Variants in PTPRG observed in about 807,000 individuals in gnomAD.
PTPRG encodes protein tyrosine phosphatase receptor type G.
Under a neutral mutation model 165.3 loss-of-function variants are expected in PTPRG, and 102 were observed. The observed-to-expected ratio is 0.62, with a 90% CI of 0.53 to 0.73. The LOEUF (loss-of-function observed/expected upper bound fraction) is 0.73, where lower values mean the gene tolerates loss of function less well. PTPRG is among the 30% of genes least tolerant of loss of function. PTPRG has a pLI of 0.00. For missense variants in PTPRG, 1,866 were observed against 1,861.4 expected (o/e 1.00, Z -0.05); for synonymous variants, 675 against 669.5 (o/e 1.01, Z -0.13).
intron 1 of PTPRG, chr3:61,739,260 G>T (rs2032891575): frequency 6.6e-6 from 1 of 152,034 alleles, no homozygotes; most frequent in Non-Finnish European, 1.5e-5. Flanking sequence ...ACCAAAGTTT[G>T]TGTAGTTGTA....
At chr3:62,104,766 G>A (rs534549690) in intron 5 of PTPRG, among the ~76,000 whole-genome samples, 1 of 152,236 alleles carries the variant, frequency 6.6e-6, no homozygotes, top group African/African-American at 2.4e-5. Flanking sequence ...CTACTAGCGG[G>A]AACAAAAGCT....
intron 2 of PTPRG, among the ~76,000 whole-genome samples, chr3:61,761,839 T>C (rs1357304420): frequency 6.6e-6 from 1 of 152,204 alleles, no homozygotes; most frequent in Admixed American, 6.5e-5. Flanking sequence ...AAAGGCATCA[T>C]TTAGTAGCTC....
At chr3:61,939,965 G>C (rs1400484497) in intron 2 of PTPRG, among the ~76,000 whole-genome samples, 12 of 30,852 alleles carry the variant, frequency 3.9e-4, no homozygotes, top group African/African-American at 1.5e-3. Flanking sequence ...TTTTTTTTTT[G>C]AGACAGTCTT....
At chr3:62,003,261 A>G in intron 3 of PTPRG, 88 bp from the exon 4 acceptor site, 1 of 1,423,140 alleles carries the variant, frequency 7.0e-7, no homozygotes. Flanking sequence ...TATCATGGTA[A>G]TGGTGAACTT....
chr3:61,712,351 G>T (rs989748150), intron 1 of PTPRG, among the ~76,000 whole-genome samples: 1 of 151,316 alleles, frequency 6.6e-6, no homozygotes, highest in African/African-American at 2.4e-5. Context: ...TTTAAAGAGA[G>T]AACACTGGAG....
rs111905214 is a variant in PTPRG at position 61,777,006 on chromosome 3, T to G, written c.190+28024T>G. ...AAATTTGTGGGGGTCGAGGTTCAAG[T>G]CTCATTCCTCTTTGAATCTTTCCTG... On this transcript the variant is annotated intron_variant, in intron 2 of 29. Coordinates refer to ENST00000474889, the MANE Select transcript of PTPRG (RefSeq NM_002841.4). Among the ~76,000 whole-genome samples, 581 of 152,322 alleles carry G rather than the reference T, an allele frequency of 3.8e-3. 3 individuals carry two copies. The highest frequency in any genetic ancestry group is 5.5e-3 in the Non-Finnish European group (374 of 68,038).
intron 5 of PTPRG, among the ~76,000 whole-genome samples, chr3:62,104,129 C>T (rs1475164022): frequency 1.3e-5 from 2 of 152,192 alleles, no homozygotes; most frequent in Non-Finnish European, 2.9e-5. Context: ...CCTGCCAAAA[C>T]GCAAGATGCA....
rs1023727147 is a variant in PTPRG, at chr3:62,195,664, A to C, written c.1327+494A>C. Among the ~76,000 whole-genome samples the C allele has an allele frequency of 6.6e-6, 1 of 152,220 alleles. No homozygotes were observed. The highest frequency in any genetic ancestry group is 1.5e-5 in the Non-Finnish European group (1 of 68,040). On this transcript the variant is annotated intron_variant, in intron 10 of 29. Transcript: ENST00000474889. This position sits in a 1 kb window ranked among gnomAD's most constrained non-coding sequence, Gnocchi z 4.4. ...TCTAGATAGATGGTCCTGATGACTT[A>C]GGGACTAATAGAAAGGTCCAGGGCC...
At chr3:61,750,866 C>T (rs1325946878) in intron 2 of PTPRG, 1 of 152,122 alleles carries the variant, frequency 6.6e-6, no homozygotes, top group Non-Finnish European at 1.5e-5. Context: ...AAACAGGTGG[C>T]TGGTTGGATA....
intron 5 of PTPRG, among the ~76,000 whole-genome samples, chr3:62,123,085 T>A (rs1307286295): frequency 6.6e-6 from 1 of 152,224 alleles, no homozygotes; most frequent in East Asian, 1.9e-4. Context: ...CACACATTTA[T>A]CATCTCAGTT....
intron 2 of PTPRG, among the ~76,000 whole-genome samples, chr3:61,853,826 G>T (rs2037031470): frequency 6.6e-6 from 1 of 152,168 alleles, no homozygotes; most frequent in African/African-American, 2.4e-5. Flanking sequence ...GTGTTCTGGG[G>T]TGAGCTGTTT....
Position 62,233,390 on chromosome 3 carries a change from C to T in PTPRG, c.2375+2079C>T, listed in dbSNP as rs1700950929. On this transcript the variant is annotated intron_variant, in intron 14 of 29. Transcript: ENST00000474889. This position sits in a 1 kb window ranked among gnomAD's most constrained non-coding sequence, Gnocchi z 4.7. ...CTCTCCCCAGGCACTTTTGCTGCCT[C>T]CTTTCCTGACCCATGTCCATCCTGC... 6.6e-6 allele frequency among the ~76,000 whole-genome samples: 1 copy of T among 152,176 alleles called. No individual in the cohort carries two copies. The highest frequency in any genetic ancestry group is 2.1e-4 in the South Asian group (1 of 4,830).
intron 5 of PTPRG, among the ~76,000 whole-genome samples, chr3:62,131,704 A>C (rs1576041636): frequency 1.3e-5 from 2 of 152,182 alleles, no homozygotes; most frequent in Non-Finnish European, 2.9e-5. Flanking sequence ...ACATAAAAGT[A>C]AAGAAAATTG....
In PTPRG at chr3:61,783,392, A is replaced by G. The variant is rs140377328; in HGVS notation, c.190+34410A>G. On this transcript the variant is annotated intron_variant, in intron 2 of 29. Transcript: ENST00000474889. Reference sequence around the variant, plus strand: ...CTGCTTCATGCCAAGCATTCCTAGGAACTAAAATACTTAAAGAGTGTTCAT... The same window carrying G: ...CTGCTTCATGCCAAGCATTCCTAGGGACTAAAATACTTAAAGAGTGTTCAT... Among the ~76,000 whole-genome samples the G allele has an allele frequency of 8.5e-5, 13 of 152,266 alleles. No individual in the cohort carries two copies. In the East Asian group the frequency reaches 2.5e-3, roughly 29 times the overall value.
chr3:62,287,143 T>C (rs554342734), intron 28 of PTPRG, among the ~76,000 whole-genome samples: 2 of 152,276 alleles, frequency 1.3e-5, no homozygotes, highest in African/African-American at 4.8e-5. Context: ...GACTTTTCTA[T>C]ATGGCTGGCC....
intron 3 of PTPRG, among the ~76,000 whole-genome samples, chr3:61,998,273 C>T (rs1266833529): frequency 2.6e-5 from 4 of 152,120 alleles, no homozygotes; most frequent in African/African-American, 7.2e-5. Context: ...TAGCCTGGAG[C>T]GTCTTTACAT....
intron 6 of PTPRG, among the ~76,000 whole-genome samples, chr3:62,149,599 C>G (rs1050414945): frequency 6.6e-6 from 1 of 152,176 alleles, no homozygotes; most frequent in African/African-American, 2.4e-5. Flanking sequence ...ACTTTCCCAC[C>G]TCCCTGCTGC....
intron 1 of PTPRG, among the ~76,000 whole-genome samples, chr3:61,747,230 A>G (rs2033244801): frequency 6.6e-6 from 1 of 152,182 alleles, no homozygotes; most frequent in African/African-American, 2.4e-5. Context: ...TGGCATTTTT[A>G]GGTCCATTTT....
intron 1 of PTPRG, among the ~76,000 whole-genome samples, chr3:61,698,630 C>CT (rs1394388579): frequency 6.6e-6 from 1 of 152,102 alleles, no homozygotes; most frequent in Non-Finnish European, 1.5e-5. Context: ...CCTTTATACT[C>CT]TTAAGAATTA....
Sources: allele counts gnomAD v4.1 joint callset (sites outside exome capture counted in the v4.1 genomes callset), GRCh38; gene constraint gnomAD v4.1.1; non-coding constraint Gnocchi (gnomAD v3.1); transcripts MANE v1.5; gene names NCBI Gene and HGNC (gene_info 2026-07-23, HGNC 2026-07-21).